The following PPP1R12A variants were observed in gnomAD, a reference collection of about 807,000 sequenced individuals.
PPP1R12A encodes the protein protein phosphatase 1 regulatory subunit 12A, also known as myosin binding subunit.
A neutral mutation model predicts 139.6 loss-of-function variants in PPP1R12A; 19 were observed. The ratio of observed to expected loss-of-function variants is 0.14; its 90% CI spans 0.09 to 0.20. The LOEUF (loss-of-function observed/expected upper bound fraction) is 0.20. PPP1R12A is among the 10% of genes least tolerant of loss of function. The pLI, the probability that PPP1R12A is intolerant of heterozygous loss-of-function variation, is 1.00. For synonymous variants in PPP1R12A, 427 were observed against 420.6 expected (o/e 1.02, Z -0.19); for missense variants, 925 against 1,211.5 (o/e 0.76, Z 3.51).
At chr12:79,789,630 C>T (rs1025224446) in intron 20 of PPP1R12A, 1 of 453,186 alleles carries the variant, frequency 2.2e-6, no homozygotes, top group Non-Finnish European at 4.4e-6. Context: ...CTCTGCATTT[C>T]AATTCAATAG....
intron 1 of PPP1R12A, among the ~76,000 whole-genome samples, chr12:79,921,273 T>G (rs1413441794): frequency 6.6e-6 from 1 of 151,890 alleles, no homozygotes; most frequent in African/African-American, 2.4e-5. Flanking sequence ...ATATAAAAAA[T>G]AAGATATGGA....
intron 9 of PPP1R12A, among the ~76,000 whole-genome samples, chr12:79,811,680 AATACACAAATGAT>A (rs1403254572): frequency 1.3e-5 from 2 of 152,228 alleles, no homozygotes; most frequent in African/African-American, 2.4e-5. Context: ...AGATAATATT[AATACACAAATGAT>A]TGAGTGTGGC....
intron 1 of PPP1R12A, among the ~76,000 whole-genome samples, chr12:79,887,008 A>G (rs2137404562): frequency 6.6e-6 from 1 of 152,268 alleles, no homozygotes; most frequent in South Asian, 2.1e-4. Flanking sequence ...AAATAAATTG[A>G]ACTTCAGGGT....
intron 8 of PPP1R12A, among the ~76,000 whole-genome samples, chr12:79,818,350 T>TC (rs1304266922): frequency 1.3e-5 from 2 of 152,138 alleles, no homozygotes; most frequent in Admixed American, 1.3e-4. Flanking sequence ...CAAGCGATCT[T>TC]CCCACCTCAG....
chr12:79,777,694 GA>G, intron 24 of PPP1R12A: 1 of 935,202 alleles, frequency 1.1e-6, no homozygotes, highest in Non-Finnish European at 1.3e-6. Context: ...TAAAAAATAA[GA>G]AAATGGAAAA....
chr12:79,806,114 C>T (rs1873798379), intron 13 of PPP1R12A, 52 bp downstream of exon 13: 2 of 1,544,370 alleles, frequency 1.3e-6, no homozygotes, highest in South Asian at 2.4e-5. Context: ...AAAACGCATG[C>T]ACATACATAA....
intron 2 of PPP1R12A, among the ~76,000 whole-genome samples, chr12:79,861,062 T>C (rs1323158373): frequency 6.6e-6 from 1 of 152,104 alleles, no homozygotes; most frequent in South Asian, 2.1e-4. Context: ...ACCAACCCAA[T>C]AGTAATGAGC....
intron 10 of PPP1R12A, 31 bp downstream of exon 10, chr12:79,809,752 ATCATAACAGTTT>A (rs1321245125): frequency 6.8e-7 from 1 of 1,475,124 alleles, no homozygotes; most frequent in African/African-American, 1.4e-5. Context: ...TGGAAAAGAA[ATCATAACAGTTT>A]TCATAGAAAC....
intron 1 of PPP1R12A, among the ~76,000 whole-genome samples, chr12:79,888,370 C>G (rs1026515371): frequency 2.0e-5 from 3 of 151,986 alleles, no homozygotes; most frequent in Non-Finnish European, 4.4e-5. Flanking sequence ...CCACTGATAC[C>G]CACAGTAACC....
At chr12:79,791,230 T>C (rs1037571656) in intron 19 of PPP1R12A, among the ~76,000 whole-genome samples, 25 of 152,226 alleles carry the variant, frequency 1.6e-4, no homozygotes, top group African/African-American at 6.0e-4. Context: ...TACCTTATAG[T>C]CTGCACTTAC....
chr12:79,909,642 G>A (rs576506426), intron 1 of PPP1R12A, among the ~76,000 whole-genome samples: 1 of 151,818 alleles, frequency 6.6e-6, no homozygotes, highest in South Asian at 2.1e-4. Flanking sequence ...GGCTGAGGCA[G>A]GAGAATCGTT....
At chr12:79,844,082 C>G (rs939972089) in intron 3 of PPP1R12A, among the ~76,000 whole-genome samples, 10 of 151,688 alleles carry the variant, frequency 6.6e-5, no homozygotes, top group Admixed American at 5.2e-4. Context: ...ATTTACATAG[C>G]ATTTAAAGTG....
rs776118343 is a variant in PPP1R12A, at chr12:79,805,684, T to G, written c.1908A>C (p.Pro636=). 6.2e-6 allele frequency: 10 copies of G among 1,613,588 alleles called. No individual in the cohort carries two copies. In the South Asian group the frequency reaches 8.8e-5, roughly 14 times the overall value. The change falls in exon 14 of 25, where the codon CCA becomes CCC. Residue 636 remains proline (P), a synonymous_variant. Transcript: ENST00000450142. ...TAGAAGCTGCAGCATTTACAACAGT[T>G]GGAGCAACAGGAATGGTCACTGCCG... ...VPTAVTIPVA[P]TVVNAAASTT...
At chr12:79,811,691 G>T (rs1437043864) in intron 9 of PPP1R12A, among the ~76,000 whole-genome samples, 1 of 152,178 alleles carries the variant, frequency 6.6e-6, no homozygotes, top group Non-Finnish European at 1.5e-5. Flanking sequence ...ATACACAAAT[G>T]ATTGAGTGTG....
intron 3 of PPP1R12A, among the ~76,000 whole-genome samples, chr12:79,839,266 C>A (rs1032693983): frequency 1.3e-5 from 2 of 152,128 alleles, no homozygotes; most frequent in Non-Finnish European, 1.5e-5. Flanking sequence ...ATGCTTGTAC[C>A]CTCACTGTGT....
At chr12:79,780,953 T>C (rs1295555485) in intron 23 of PPP1R12A, among the ~76,000 whole-genome samples, 1 of 152,064 alleles carries the variant, frequency 6.6e-6, no homozygotes, top group Non-Finnish European at 1.5e-5. Context: ...AAGGGCAAAT[T>C]GGTTATTTTA....
At position 79,775,462 on chromosome 12, in the gene PPP1R12A, A is replaced by C. The variant is rs1308936570; in HGVS notation, c.*467T>G. The C allele has an allele frequency of 6.6e-6, 1 of 152,574 alleles. No homozygotes were observed. Among genetic ancestry groups the C allele is most frequent in the East Asian group, 1.9e-4 (1 of 5,210 alleles). 9.5% of individuals were successfully genotyped at this position (152,574 alleles called of 1,614,324 possible). On this transcript the variant is annotated 3_prime_UTR_variant, in exon 25 of 25. Coordinates refer to ENST00000450142, the MANE Select transcript of PPP1R12A (RefSeq NM_002480.3). The stretch of plus-strand genomic sequence containing the variant: ...AATACAAACCCAAACTTAGATGAAA[A>C]GCCAAAAAATTTAAATATCGAAAAA...
chr12:79,806,457 AC>A, intron 12 of PPP1R12A, 124 bp from the exon 13 acceptor site: 1 of 779,454 alleles, frequency 1.3e-6, no homozygotes, highest in Non-Finnish European at 2.0e-6. Context: ...TAAATACACC[AC>A]CAGCTCCAGC....
intron 14 of PPP1R12A, among the ~76,000 whole-genome samples, chr12:79,804,853 G>A (rs1272417290): frequency 6.6e-6 from 1 of 151,964 alleles, no homozygotes; most frequent in East Asian, 1.9e-4. Flanking sequence ...GCATACAAAA[G>A]TAAAATAGTC....
Sources: gnomAD v4.1 joint callset for allele counts (sites outside exome capture counted in the v4.1 genomes callset) on GRCh38, gnomAD v4.1.1 for gene constraint, MANE v1.5 for transcripts, NCBI Gene and HGNC (gene_info 2026-07-23, HGNC 2026-07-21) for gene names.